The following CDH13 variants were observed in gnomAD, a reference collection of about 807,000 sequenced individuals.
CDH13 encodes cadherin-13.
CDH13 carries 24 observed loss-of-function variants against 63.8 expected under a neutral mutation model. That is an observed-to-expected ratio of 0.38 (90% CI 0.27 to 0.53). CDH13 has a LOEUF of 0.53. CDH13 is among the 20% of genes least tolerant of loss of function. The pLI is 0.85. For synonymous variants in CDH13, 503 were observed against 355.3 expected (o/e 1.42, Z -4.67); for missense variants, 1,049 against 903.1 (o/e 1.16, Z -2.07).
Position 83,127,906 on chromosome 16 carries a change from A to G in CDH13, c.483+2405A>G, listed in dbSNP as rs145700806. 5.3e-5 allele frequency among the ~76,000 whole-genome samples: 8 copies of G among 152,292 alleles called. No homozygotes were observed. In the East Asian group the frequency reaches 1.4e-3, roughly 26 times the overall value. On this transcript the variant is annotated intron_variant, in intron 4 of 13. Coordinates refer to ENST00000567109, the MANE Select transcript of CDH13 (RefSeq NM_001257.5). ...ATACAAAGGGAAGCAGAGCTGCTCTAAAGGGATAGCCCTGTCCCCTTGGGC... is the reference window on the plus strand; with the variant it reads ...ATACAAAGGGAAGCAGAGCTGCTCTGAAGGGATAGCCCTGTCCCCTTGGGC...
intron 5 of CDH13, among the ~76,000 whole-genome samples, chr16:83,305,029 G>A (rs769917191): frequency 8.5e-5 from 13 of 152,304 alleles, no homozygotes; most frequent in East Asian, 1.9e-4. Flanking sequence ...CCCACAGACC[G>A]GGAAGCTTTG....
At chr16:82,911,191 G>A (rs764521043) in intron 2 of CDH13, among the ~76,000 whole-genome samples, 121 of 152,174 alleles carry the variant, frequency 8.0e-4, no homozygotes, top group Non-Finnish European at 1.4e-3. Context: ...GAAATTCTTT[G>A]CAACTTCCAT....
intron 1 of CDH13, among the ~76,000 whole-genome samples, chr16:82,655,419 A>G (rs1911186309): frequency 1.3e-5 from 2 of 152,174 alleles, no homozygotes; most frequent in South Asian, 4.1e-4. Context: ...TGTGGATCTC[A>G]AAAGGAAAGT....
intron 1 of CDH13, among the ~76,000 whole-genome samples, chr16:82,665,091 G>A (rs62040568): frequency 0.27 from 40,316 of 152,112 alleles, 5,913 homozygotes; most frequent in Non-Finnish European, 0.35. Flanking sequence ...GCTTCCAGGT[G>A]CATTCAAACT....
intron 1 of CDH13, among the ~76,000 whole-genome samples, chr16:82,706,984 C>A (rs2031544947): frequency 6.6e-6 from 1 of 152,110 alleles, no homozygotes; most frequent in African/African-American, 2.4e-5. Context: ...TTTAGGGAGT[C>A]CTCTTTTAAG....
intron 2 of CDH13, among the ~76,000 whole-genome samples, chr16:82,997,102 T>C (rs1912319348): frequency 6.6e-6 from 1 of 150,964 alleles, no homozygotes; most frequent in Non-Finnish European, 1.5e-5. Flanking sequence ...ATGATGGTGA[T>C]GGTAGTGGTG....
At chr16:82,742,277 T>A (rs2033966859) in intron 1 of CDH13, among the ~76,000 whole-genome samples, 1 of 152,196 alleles carries the variant, frequency 6.6e-6, no homozygotes, top group African/African-American at 2.4e-5. Context: ...AGTGATTACA[T>A]TTGGATGTAA....
At chr16:83,067,052 G>A (rs1340999745) in intron 3 of CDH13, among the ~76,000 whole-genome samples, 1 of 152,152 alleles carries the variant, frequency 6.6e-6, no homozygotes, top group Non-Finnish European at 1.5e-5. Context: ...ATGGATGACT[G>A]ACCGTTTTAA....
At chr16:83,027,027 C>T (rs893409703) in intron 2 of CDH13, among the ~76,000 whole-genome samples, 1 of 151,602 alleles carries the variant, frequency 6.6e-6, no homozygotes, top group Non-Finnish European at 1.5e-5. Flanking sequence ...TCAATGAAAT[C>T]AAGAGGTCAC....
intron 6 of CDH13, among the ~76,000 whole-genome samples, chr16:83,349,725 C>G (rs867555556): frequency 7.2e-5 from 11 of 152,042 alleles, no homozygotes; most frequent in Admixed American, 5.9e-4. Context: ...CTCAGCCTCC[C>G]GAGTAGCTGG....
At chr16:83,345,205 T>G (rs917207255) in intron 6 of CDH13, among the ~76,000 whole-genome samples, 199 bp downstream of exon 6, 2 of 152,206 alleles carry the variant, frequency 1.3e-5, no homozygotes, top group African/African-American at 4.8e-5. Flanking sequence ...TACGGAAATC[T>G]CTTTCATTGT....
intron 2 of CDH13, among the ~76,000 whole-genome samples, chr16:82,929,413 G>A (rs1002265123): frequency 2.6e-5 from 4 of 151,696 alleles, no homozygotes; most frequent in Non-Finnish European, 5.9e-5. Context: ...AGGCTGAGGC[G>A]GGGTGGATCA....
intron 5 of CDH13, among the ~76,000 whole-genome samples, chr16:83,329,675 C>T (rs897202181): frequency 2.0e-5 from 3 of 152,144 alleles, no homozygotes; most frequent in African/African-American, 7.2e-5. Flanking sequence ...TCTATAGCTA[C>T]CCTTTGCCCC....
intron 1 of CDH13, among the ~76,000 whole-genome samples, chr16:82,730,070 G>T (rs1004627492): frequency 1.3e-5 from 2 of 152,178 alleles, no homozygotes; most frequent in Admixed American, 6.5e-5. Flanking sequence ...TGGCTGGATT[G>T]ATCTTCTATT....
Position 83,678,440 on chromosome 16 carries a change from C to T in CDH13, c.1517C>T (p.Ser506Phe), listed in dbSNP as rs1915142654. 6.2e-7 allele frequency: 1 copy of T among 1,613,974 alleles called. No individual in the cohort carries two copies. The part of the protein sequence containing the change: ...LLTVNATDPD[S>F]LQHQTIRYSV... ...ACAGTGAATGCCACGGACCCCGACT[C>T]CCTGCAGCATCAAACCATCAGGTGG... The change falls in exon 10 of 14, where the codon TCC becomes TTC. Residue 506 changes from serine (S) to phenylalanine (F), a missense_variant. By Grantham distance (155) the Ser-to-Phe change is radical (BLOSUM62 -2). Transcript: ENST00000567109.
At chr16:83,553,857 C>G (rs1567759053) in intron 7 of CDH13, among the ~76,000 whole-genome samples, 1 of 152,122 alleles carries the variant, frequency 6.6e-6, no homozygotes, top group Non-Finnish European at 1.5e-5. Flanking sequence ...ACACCCAGCC[C>G]AAAGTCATGG....
At chr16:83,586,871 C>G (rs1353874395) in intron 7 of CDH13, among the ~76,000 whole-genome samples, 2 of 152,130 alleles carry the variant, frequency 1.3e-5, no homozygotes, top group African/African-American at 4.8e-5. Context: ...TAACTGGAAT[C>G]CATCTTGTGT....
intron 1 of CDH13, among the ~76,000 whole-genome samples, chr16:82,665,105 T>A (rs1015858450): frequency 6.6e-6 from 1 of 152,156 alleles, no homozygotes; most frequent in African/African-American, 2.4e-5. Flanking sequence ...TCAAACTAGG[T>A]GAGACTGCCT....
intron 7 of CDH13, among the ~76,000 whole-genome samples, chr16:83,527,082 G>C (rs2074978875): frequency 6.6e-6 from 1 of 151,846 alleles, no homozygotes; most frequent in Admixed American, 6.6e-5. Flanking sequence ...TGTAAGCCGA[G>C]ATTATGCCAC....
Sources: allele counts gnomAD v4.1 joint callset (sites outside exome capture counted in the v4.1 genomes callset), GRCh38; gene constraint gnomAD v4.1.1; transcripts MANE v1.5; gene names NCBI Gene and HGNC (gene_info 2026-07-23, HGNC 2026-07-21).